Variants in RAB7A observed in about 807,000 individuals in gnomAD.
RAB7A encodes the protein RAB7A, member RAS oncogene family, also known as ras-related protein Rab-7a.
A neutral mutation model predicts 24.5 loss-of-function variants in RAB7A; 2 were observed. That is an observed-to-expected ratio of 0.08 (90% confidence interval 0.03 to 0.26). The LOEUF is 0.26. Ranked by LOEUF, RAB7A falls within the 10% of genes least tolerant of loss-of-function variation. RAB7A has a pLI of 1.00. For synonymous variants in RAB7A, 100 were observed against 95.9 expected, an observed-to-expected ratio of 1.04 and a Z score of -0.25; for missense variants, 118 against 255.7, an observed-to-expected ratio of 0.46 and a Z score of 3.67.
Position 128,814,216 on chromosome 3 carries a change from G to A in RAB7A, c.*794G>A, listed in dbSNP as rs1247790436. 1 of 153,064 alleles carries A rather than the reference G, an allele frequency of 6.5e-6. No homozygotes were observed. 9.5% of individuals were successfully genotyped at this position (153,064 alleles called of 1,614,324 possible). On this transcript the variant is annotated 3_prime_UTR_variant, in exon 6 of 6. Coordinates refer to ENST00000265062, the MANE Select transcript of RAB7A (RefSeq NM_004637.6). ...GAAATCCAGCTAGCGGCAGTATTCT[G>A]TACAGTAGACACAAGAATTATGTAC...
chr3:128,755,018 T>G (rs2070717771), intron 1 of RAB7A, among the ~76,000 whole-genome samples: 1 of 152,174 alleles, frequency 6.6e-6, no homozygotes, highest in Non-Finnish European at 1.5e-5. Context: ...CAAGTAGATC[T>G]TACAGACATA....
intron 1 of RAB7A, among the ~76,000 whole-genome samples, chr3:128,738,218 G>A (rs1332808901): frequency 2.6e-5 from 4 of 151,794 alleles, no homozygotes; most frequent in South Asian, 4.2e-4. Flanking sequence ...TTTTGATAGT[G>A]ACAGGGTCTT....
chr3:128,747,175 C>T (rs1009099402), intron 1 of RAB7A, among the ~76,000 whole-genome samples: 4 of 151,438 alleles, frequency 2.6e-5, no homozygotes, highest in Non-Finnish European at 5.9e-5. Context: ...ATCTGTAGCC[C>T]TAGCTACTTG....
At chr3:128,768,586 T>A (rs2070854485) in intron 1 of RAB7A, among the ~76,000 whole-genome samples, 1 of 152,112 alleles carries the variant, frequency 6.6e-6, no homozygotes, top group Middle Eastern at 3.2e-3. Context: ...GGAGACAGGG[T>A]CTCATTCTGT....
intron 1 of RAB7A, among the ~76,000 whole-genome samples, chr3:128,744,664 A>T (rs948594978): frequency 3.9e-5 from 6 of 152,132 alleles, no homozygotes; most frequent in African/African-American, 1.4e-4. Context: ...TCCTTATCCT[A>T]TTGTGGACCT....
At chr3:128,804,873 G>A (rs1314906512) in intron 3 of RAB7A, among the ~76,000 whole-genome samples, 1 of 152,110 alleles carries the variant, frequency 6.6e-6, no homozygotes, top group Non-Finnish European at 1.5e-5. Context: ...AGGAATCGAT[G>A]GTTCACTAAA....
rs869119619 is a variant in RAB7A at position 128,809,936 on chromosome 3, C to CTTTTTTTTTTTT, written c.528+2284_528+2295dup. The stretch of plus-strand genomic sequence containing the variant: ...GAGGCAAGTTTCCTCTTGCCACAGT[C>CTTTTTTTTTTTT]TTTTTTTTTTTTTTTTTTTTTTTTT... On this transcript the variant is annotated intron_variant, in intron 5 of 5. Coordinates refer to ENST00000265062, the MANE Select transcript of RAB7A (RefSeq NM_004637.6). Among the ~76,000 whole-genome samples the CTTTTTTTTTTTT allele has an allele frequency of 3.1e-3, 163 of 52,254 alleles. 41 individuals are homozygous for CTTTTTTTTTTTT. The highest frequency in any genetic ancestry group is 5.1e-3 in the South Asian group (5 of 972). The allele number at this position is 52,254 out of a possible 152,430, so 34.3% of individuals were successfully genotyped here. A position where few individuals can be genotyped will look rare whatever the true frequency, so the allele number is the denominator to read the frequency against.
intron 1 of RAB7A, among the ~76,000 whole-genome samples, chr3:128,732,130 C>T (rs2070444874): frequency 6.7e-6 from 1 of 150,186 alleles, no homozygotes; most frequent in South Asian, 2.1e-4. Flanking sequence ...ACCTCCGCCT[C>T]TCGGGTTCAA....
intron 4 of RAB7A, 86 bp downstream of exon 4, chr3:128,806,676 A>G (rs553885941): frequency 6.0e-6 from 8 of 1,334,078 alleles, no homozygotes; most frequent in African/African-American, 5.8e-5. Flanking sequence ...CTAAGCTCAC[A>G]TGGCTCTAGG....
intron 1 of RAB7A, among the ~76,000 whole-genome samples, chr3:128,755,842 T>C (rs1323868784): frequency 6.6e-6 from 1 of 152,236 alleles, no homozygotes; most frequent in Non-Finnish European, 1.5e-5. Flanking sequence ...TATGTATACA[T>C]GTGCCATGCT....
chr3:128,744,360 C>G (rs2070587174), intron 1 of RAB7A, among the ~76,000 whole-genome samples: 2 of 152,216 alleles, frequency 1.3e-5, no homozygotes, highest in African/African-American at 2.4e-5. Context: ...TTTGGGCAGA[C>G]AGAAAGGCCC....
intron 1 of RAB7A, among the ~76,000 whole-genome samples, chr3:128,731,985 C>T (rs188044713): frequency 7.0e-6 from 1 of 142,854 alleles, no homozygotes; most frequent in East Asian, 2.1e-4. Flanking sequence ...AGCCTGGCGA[C>T]AGAGCAAGAT....
At chr3:128,809,936 C>CTTTTTTTTTTTTTTTGTTTTT (rs1933887622) in intron 5 of RAB7A, among the ~76,000 whole-genome samples, 1 of 52,216 alleles carries the variant, frequency 1.9e-5, no homozygotes, top group Non-Finnish European at 3.4e-5. Context: ...TTGCCACAGT[C>CTTTTTTTTTTTTTTTGTTTTT]TTTTTTTTTT....
At chr3:128,780,875 A>G (rs987668033) in intron 1 of RAB7A, among the ~76,000 whole-genome samples, 20 of 152,218 alleles carry the variant, frequency 1.3e-4, no homozygotes, top group Non-Finnish European at 1.8e-4. Context: ...CCCAGTGCCC[A>G]TGTTTCAGTG....
intron 1 of RAB7A, among the ~76,000 whole-genome samples, chr3:128,745,776 C>G (rs1174151711): frequency 6.6e-6 from 1 of 152,208 alleles, no homozygotes; most frequent in Non-Finnish European, 1.5e-5. Context: ...GGGACTCACC[C>G]CTTACTTTGA....
In RAB7A at chr3:128,813,664, T is replaced by C. The variant is rs983365056; in HGVS notation, c.*242T>C. On this transcript the variant is annotated 3_prime_UTR_variant, in exon 6 of 6. Coordinates refer to ENST00000265062, the MANE Select transcript of RAB7A (RefSeq NM_004637.6). ...CCAGCCCTTGCCCGTGATGGCTCCT[T>C]GGGGTCTGCCTGCCCACCCACATGA... is the stretch of plus-strand genomic sequence containing the variant. 6 of 546,628 alleles carry C rather than the reference T, an allele frequency of 1.1e-5. No homozygotes were observed. The highest frequency in any genetic ancestry group is 2.0e-5 in the Non-Finnish European group (6 of 295,444). The allele number at this position is 546,628 out of a possible 1,614,324, so 33.9% of individuals were successfully genotyped here.
intron 1 of RAB7A, among the ~76,000 whole-genome samples, chr3:128,737,825 G>GTTTTTTTTTTTTTTTTTTTTTT (rs56027163): frequency 1.7e-5 from 1 of 59,482 alleles, no homozygotes; most frequent in Non-Finnish European, 3.0e-5. Flanking sequence ...TTTTTTTGTA[G>GTTTTTTTTTTTTTTTTTTTTTT]TTTTTTTTTT....
At chr3:128,795,689 C>G (rs998240706) in intron 2 of RAB7A, among the ~76,000 whole-genome samples, 1 of 149,686 alleles carries the variant, frequency 6.7e-6, no homozygotes, top group Non-Finnish European at 1.5e-5. Context: ...TCCAAGCTGG[C>G]CAGGCTGGGG....
At chr3:128,812,630 G>A (rs1170355364) in intron 5 of RAB7A, among the ~76,000 whole-genome samples, 1 of 152,242 alleles carries the variant, frequency 6.6e-6, no homozygotes, top group Non-Finnish European at 1.5e-5. Context: ...CTCATTGGAA[G>A]CATGTTACTT....
Sources: gnomAD v4.1 joint callset for allele counts (sites outside exome capture counted in the v4.1 genomes callset) on GRCh38, gnomAD v4.1.1 for gene constraint, MANE v1.5 for transcripts, NCBI Gene and HGNC (gene_info 2026-07-23, HGNC 2026-07-21) for gene names.